Variants in NUP155 observed in about 807,000 individuals in gnomAD.
The protein encoded by NUP155 is nucleoporin 155.
NUP155 carries 71 observed loss-of-function variants against 180.4 expected under a neutral mutation model. That is an observed-to-expected ratio of 0.39 (90% CI 0.33 to 0.48). NUP155 has a LOEUF of 0.48. NUP155 is among the 20% of genes least tolerant of loss of function. NUP155 has a pLI of 0.91. For synonymous variants in NUP155, 582 were observed against 559.5 expected (o/e 1.04, Z -0.57); for missense variants, 1,553 against 1,648.9 (o/e 0.94, Z 1.01).
chr5:37,301,296 C>T, intron 30 of NUP155, 141 bp downstream of exon 30: 1 of 628,478 alleles, frequency 1.6e-6, no homozygotes, highest in Non-Finnish European at 2.9e-6. Context: ...ATCTGTCAGC[C>T]CAGTGACAAG....
At chr5:37,300,798 A>C (rs560869357) in intron 30 of NUP155, among the ~76,000 whole-genome samples, 1 of 150,810 alleles carries the variant, frequency 6.6e-6, no homozygotes, top group Non-Finnish European at 1.5e-5. Flanking sequence ...ATGAACTACA[A>C]CCACACACCA....
chr5:37,354,770 T>C (rs530530085), intron 4 of NUP155, among the ~76,000 whole-genome samples: 1 of 151,480 alleles, frequency 6.6e-6, no homozygotes, highest in Non-Finnish European at 1.5e-5. Flanking sequence ...AAATATATTT[T>C]CAATGCAAGT....
rs897810004 is a variant in NUP155 at position 37,314,772 on chromosome 5, G to A, written c.2306-444C>T. On this transcript the variant is annotated intron_variant, in intron 21 of 34. Coordinates refer to ENST00000231498, the MANE Select transcript of NUP155 (RefSeq NM_153485.3). ...GGAGAATGGCGTGAACCCAGGAGGC[G>A]GAGCCTGGGCGACAGAGCAAGACTC... is the stretch of plus-strand genomic sequence containing the variant. Among the ~76,000 whole-genome samples the A allele has an allele frequency of 3.3e-5, 5 of 151,698 alleles. No homozygotes were observed. The South Asian group carries it at 8.4e-4, about 25-fold the overall frequency.
At chr5:37,365,062 G>C (rs1426746458) in intron 1 of NUP155, among the ~76,000 whole-genome samples, 1 of 151,690 alleles carries the variant, frequency 6.6e-6, no homozygotes, top group Non-Finnish European at 1.5e-5. Flanking sequence ...AGGAGTTTGA[G>C]ACTAGCCTGG....
intron 9 of NUP155, among the ~76,000 whole-genome samples, chr5:37,345,462 G>A (rs1171754663): frequency 1.5e-5 from 2 of 137,930 alleles, no homozygotes; most frequent in Non-Finnish European, 3.0e-5. Flanking sequence ...AGTAAGCCAC[G>A]ATCGCACCAC....
At chr5:37,354,361 T>C (rs981290124) in intron 4 of NUP155, among the ~76,000 whole-genome samples, 1 of 152,056 alleles carries the variant, frequency 6.6e-6, no homozygotes, top group Non-Finnish European at 1.5e-5. Context: ...GTCAGGCTTG[T>C]CTCGAATTCC....
chr5:37,302,732 G>A, intron 29 of NUP155, 47 bp downstream of exon 29: 2 of 1,599,158 alleles, frequency 1.3e-6, no homozygotes, highest in Non-Finnish European at 1.7e-6. Flanking sequence ...GAATAACTAT[G>A]TGGCTAGTAC....
chr5:37,293,464 A>G (rs953393187), intron 33 of NUP155, among the ~76,000 whole-genome samples: 3 of 152,200 alleles, frequency 2.0e-5, no homozygotes, highest in Admixed American at 6.5e-5. Context: ...TATAAGATGG[A>G]GATACTACAG....
intron 11 of NUP155, among the ~76,000 whole-genome samples, chr5:37,338,417 T>TC (rs1459613292): frequency 1.3e-5 from 2 of 151,002 alleles, no homozygotes; most frequent in Non-Finnish European, 3.0e-5. Context: ...AATCTTTTTT[T>TC]TTTTTTTTTG....
rs140847019 is a variant in NUP155, at chr5:37,350,050, TTAACA to T, written c.829+105_829+109del. ...CTTATGAATATATAAGAAATGCTAC[TTAACA>T]TAACAAATTGTTTCAATTAAGAATG... On this transcript the variant is annotated intron_variant, in intron 7 of 34. Transcript: ENST00000231498. 8,325 of 804,492 alleles carry T rather than the reference TTAACA, an allele frequency of 0.01. 468 individuals are homozygous for T. The African/African-American group carries it at 0.12, about 12-fold the overall frequency. The allele number at this position is 804,492 out of a possible 1,614,324, so 49.8% of individuals were successfully genotyped here.
rs1349755222 is a variant in NUP155, at chr5:37,291,718, CAAAAT to C, written c.*177_*181del. On this transcript the variant is annotated 3_prime_UTR_variant, in exon 35 of 35. Coordinates refer to ENST00000231498, the MANE Select transcript of NUP155 (RefSeq NM_153485.3). Reference sequence around the variant, plus strand: ...GTTTTTTCACCCAATTACTAAAAAACAAAATAGTCATAAAAAAGAATTCATTTAGC... The same window carrying C: ...GTTTTTTCACCCAATTACTAAAAAACAGTCATAAAAAAGAATTCATTTAGC... 6.0e-6 allele frequency: 3 copies of C among 498,640 alleles called. No homozygotes were observed. Among genetic ancestry groups the C allele is most frequent in the Non-Finnish European group, 1.1e-5 (3 of 284,186 alleles). The allele number at this position is 498,640 out of a possible 1,614,324, so 30.9% of individuals were successfully genotyped here.
intron 11 of NUP155, among the ~76,000 whole-genome samples, chr5:37,338,475 C>T (rs1283790720): frequency 2.0e-5 from 3 of 148,804 alleles, no homozygotes; most frequent in South Asian, 2.1e-4. Flanking sequence ...GGCGCGATCT[C>T]GGCTCACTGC....
intron 9 of NUP155, among the ~76,000 whole-genome samples, chr5:37,347,812 C>T (rs1006991527): frequency 1.3e-5 from 2 of 151,948 alleles, no homozygotes; most frequent in African/African-American, 2.4e-5. Flanking sequence ...ACCAGCCTGG[C>T]CAACATGGCG....
At chr5:37,344,367 A>G (rs2150979766) in intron 9 of NUP155, among the ~76,000 whole-genome samples, 1 of 150,090 alleles carries the variant, frequency 6.7e-6, no homozygotes, top group Admixed American at 6.6e-5. Flanking sequence ...AAAAAGAAAG[A>G]AAATATACAT....
At chr5:37,325,217 G>T (rs1443969301) in intron 19 of NUP155, among the ~76,000 whole-genome samples, 1 of 152,096 alleles carries the variant, frequency 6.6e-6, no homozygotes, top group African/African-American at 2.4e-5. Context: ...ATAGAAATTA[G>T]TGCTGGGTCC....
At chr5:37,328,493 T>A in intron 16 of NUP155, 73 bp from the exon 17 acceptor site, 1 of 1,136,252 alleles carries the variant, frequency 8.8e-7, no homozygotes, top group South Asian at 1.3e-5. Context: ...CAAAATTAGG[T>A]AAAGAAGGTA....
intron 3 of NUP155, among the ~76,000 whole-genome samples, chr5:37,358,953 T>G (rs191740576): frequency 6.7e-6 from 1 of 148,380 alleles, no homozygotes; most frequent in Non-Finnish European, 1.5e-5. Context: ...GGAGGCAGAG[T>G]TGCAGTGAGC....
At chr5:37,297,442 G>A (rs749357981) in intron 32 of NUP155, among the ~76,000 whole-genome samples, 1 of 152,030 alleles carries the variant, frequency 6.6e-6, no homozygotes, top group Non-Finnish European at 1.5e-5. Context: ...GCAGTGGTTC[G>A]ATCTCAGCTC....
rs745812589 is a variant in NUP155 at position 37,305,223 on chromosome 5, G to T, written c.2904-13C>A. On this transcript the variant is annotated splice_polypyrimidine_tract_variant and intron_variant, in intron 25 of 34. Coordinates refer to ENST00000231498, the MANE Select transcript of NUP155 (RefSeq NM_153485.3). The stretch of plus-strand genomic sequence containing the variant: ...GTAACTGTTTAATCTGAAAGAAAAT[G>T]GAAAAGGAACAATTACATTATTTAA... 6.2e-7 allele frequency: 1 copy of T among 1,604,244 alleles called. No homozygotes were observed. Among genetic ancestry groups the T allele is most frequent in the Admixed American group, 1.7e-5 (1 of 59,984 alleles).
Sources: gnomAD v4.1 joint callset for allele counts (sites outside exome capture counted in the v4.1 genomes callset) on GRCh38, gnomAD v4.1.1 for gene constraint, MANE v1.5 for transcripts, NCBI Gene and HGNC (gene_info 2026-07-23, HGNC 2026-07-21) for gene names.